The following SMCO1 variants were observed in gnomAD, a reference collection of about 807,000 sequenced individuals.
SMCO1 encodes single-pass membrane protein with coiled-coil domains 1.
A neutral mutation model predicts 7.5 loss-of-function variants in SMCO1; 9 were observed. The observed-to-expected ratio is 1.20, with a 90% CI of 0.72 to 2.09. The LOEUF (loss-of-function observed/expected upper bound fraction) is 2.09, where lower values mean the gene tolerates loss of function less well. SMCO1 is among the 30% of genes most tolerant of loss of function. SMCO1 has a pLI of 0.00. For synonymous variants in SMCO1, 90 were observed against 93.8 expected, an observed-to-expected ratio of 0.96 and a Z score of 0.23; for missense variants, 219 against 253.1, an observed-to-expected ratio of 0.87 and a Z score of 0.91.
rs745524127 is a variant in SMCO1, at chr3:196,509,574, G to T, written c.146C>A (p.Ala49Asp). 29 of 1,613,978 alleles carry T rather than the reference G, an allele frequency of 1.8e-5. No individual in the cohort carries two copies. In the South Asian group the frequency reaches 3.2e-4, roughly 18 times the overall value. ...ATCTTGGGCTGCTTGGCTTGCCAAA[G>T]CCTTACTATGATGTTCGAATTTCTG... is the stretch of plus-strand genomic sequence containing the variant. ...LMQKFEHHSK[A>D]LASQAAQDEM... Residue 49 changes from alanine (A) to aspartate (D), a missense_variant, in exon 2 of 3, where the codon GCT becomes GAT. Ala to Asp is a moderately radical substitution (Grantham distance 126). Coordinates refer to ENST00000397537, the MANE Select transcript of SMCO1 (RefSeq NM_001077657.3).
intron 1 of SMCO1, 111 bp from the exon 2 acceptor site, chr3:196,509,780 C>T (rs1733169743): frequency 9.7e-6 from 7 of 719,320 alleles, no homozygotes; most frequent in South Asian, 3.7e-5. Context: ...ATTTGGATAA[C>T]TTTTTTTTTT....
At chr3:196,517,190 C>G (rs1219334545), upstream of SMCO1, among the ~76,000 whole-genome samples, 1 of 150,024 alleles carries the variant, frequency 6.7e-6, no homozygotes, top group African/African-American at 2.4e-5. Context: ...TCTTCGTCCC[C>G]ATTTCAGCCA....
chr3:196,507,288 G>A lies in SMCO1; in HGVS notation c.*599C>T. Reference sequence around the variant, plus strand: ...CCTAGGAATTTACCTGCCTCCTATTGCTATCACTGTGTTGCCCAGGCTGGT... The same window carrying A: ...CCTAGGAATTTACCTGCCTCCTATTACTATCACTGTGTTGCCCAGGCTGGT... On this transcript the variant is annotated 3_prime_UTR_variant, in exon 3 of 3. Transcript: ENST00000397537. The A allele has an allele frequency of 6.6e-6, 1 of 152,356 alleles. No homozygotes were observed. The highest frequency in any genetic ancestry group is 1.5e-5 in the Non-Finnish European group (1 of 68,126). The allele number at this position is 152,356 out of a possible 1,614,324, so 9.4% of individuals were successfully genotyped here. A position where few individuals can be genotyped will look rare whatever the true frequency, so the allele number is the denominator to read the frequency against.
chr3:196,514,758 T>C (rs113485420), intron 1 of SMCO1, among the ~76,000 whole-genome samples: 11,322 of 152,268 alleles, frequency 0.074, 1,446 homozygotes, highest in African/African-American at 0.26. Flanking sequence ...GGAATTCTTT[T>C]TTTGGACGGA....
chr3:196,517,384 G>GC (rs908145849), upstream of SMCO1, among the ~76,000 whole-genome samples: 3 of 152,040 alleles, frequency 2.0e-5, no homozygotes. Flanking sequence ...GGAACTTTCA[G>GC]CCCCCACCCA....
chr3:196,512,766 C>G (rs1733283925), intron 1 of SMCO1, among the ~76,000 whole-genome samples: 1 of 152,014 alleles, frequency 6.6e-6, no homozygotes, highest in Non-Finnish European at 1.5e-5. Context: ...CCTCGGCCTC[C>G]CAAAGTTCTG....
upstream of SMCO1, among the ~76,000 whole-genome samples, chr3:196,516,632 G>A (rs868152148): frequency 2.6e-5 from 4 of 152,200 alleles, no homozygotes; most frequent in East Asian, 3.9e-4. Flanking sequence ...TAAAACCTAC[G>A]AATGGATGAG....
chr3:196,510,277 C>T (rs752133734), intron 1 of SMCO1, among the ~76,000 whole-genome samples: 5 of 152,074 alleles, frequency 3.3e-5, no homozygotes, highest in Non-Finnish European at 7.4e-5. Flanking sequence ...CTATACCTTA[C>T]GATTTAGAGA....
intron 1 of SMCO1, among the ~76,000 whole-genome samples, chr3:196,510,091 C>T (rs1560283344): frequency 6.6e-6 from 1 of 152,078 alleles, no homozygotes; most frequent in Non-Finnish European, 1.5e-5. Context: ...CTCAGCCTCC[C>T]GAGTAGCTAG....
In SMCO1 at chr3:196,511,136, T is replaced by A. The variant is rs192397085; in HGVS notation, c.51-1467A>T. Among the ~76,000 whole-genome samples, 594 of 139,266 alleles carry A rather than the reference T, an allele frequency of 4.3e-3. 3 individuals are homozygous for A. The highest frequency in any genetic ancestry group is 0.018 in the African/African-American group (530 of 30,272). The allele number at this position is 139,266 out of a possible 152,430, so 91.4% of individuals were successfully genotyped here. A position where few individuals can be genotyped will look rare whatever the true frequency, so the allele number is the denominator to read the frequency against. ...GCCTGGGCCACCTAGATTGTCTTTA[T>A]GAGGGAAACTTGCCTGAGCCACCTA... On this transcript the variant is annotated intron_variant, in intron 1 of 2. Transcript: ENST00000397537.
At chr3:196,519,940 G>C (rs1314431169), upstream of SMCO1, among the ~76,000 whole-genome samples, 1 of 152,124 alleles carries the variant, frequency 6.6e-6, no homozygotes, top group East Asian at 1.9e-4. Flanking sequence ...ACAGTCGGGG[G>C]GGACGCTCCC....
chr3:196,508,159 T>G lies in SMCO1; in HGVS notation c.373A>C (p.Ile125Leu), dbSNP rs903940214. 2.5e-6 allele frequency: 4 copies of G among 1,614,202 alleles called. No individual in the cohort carries two copies. Among genetic ancestry groups the G allele is most frequent in the Non-Finnish European group, 2.5e-6 (3 of 1,180,046 alleles). ...TCTTGCAGCCCACACTCCTCCAGTA[T>G]GGACTCCCATACAACTCTAACGCGC... ...NKRVRVVWES[I>L]LEECGLQEGD... Residue 125 changes from isoleucine to leucine, a missense_variant, in exon 3 of 3, where the codon ATA (isoleucine) becomes CTA (leucine). By Grantham distance (5) the Ile-to-Leu change is conservative. Coordinates refer to ENST00000397537, the MANE Select transcript of SMCO1 (RefSeq NM_001077657.3).
At chr3:196,511,866 A>C (rs1733244977) in intron 1 of SMCO1, among the ~76,000 whole-genome samples, 1 of 134,308 alleles carries the variant, frequency 7.4e-6, no homozygotes, top group Non-Finnish European at 1.5e-5. Flanking sequence ...GGCTGCCTAG[A>C]TTGTCTTTAT....
chr3:196,513,584 G>A (rs1311849533), intron 1 of SMCO1, among the ~76,000 whole-genome samples: 9 of 138,998 alleles, frequency 6.5e-5, no homozygotes, highest in African/African-American at 1.6e-4. Context: ...AGCTGAAATC[G>A]CGCCACTGCA....
Position 196,509,391 on chromosome 3 carries a change from T to C in SMCO1, c.200+129A>G, listed in dbSNP as rs886812490. Reference sequence around the variant, plus strand: ...ATTAATCTTTTTTTAAAAAAATAAATGAACCTAAGAAAATGTAATTGCTTT... The same window carrying C: ...ATTAATCTTTTTTTAAAAAAATAAACGAACCTAAGAAAATGTAATTGCTTT... On this transcript the variant is annotated intron_variant, in intron 2 of 2. Coordinates refer to ENST00000397537, the MANE Select transcript of SMCO1 (RefSeq NM_001077657.3). 4 of 848,806 alleles carry C rather than the reference T, an allele frequency of 4.7e-6. No individual in the cohort carries two copies. The East Asian group carries it at 1.1e-4, about 23-fold the overall frequency. The allele number at this position is 848,806 out of a possible 1,614,324, so 52.6% of individuals were successfully genotyped here. A position where few individuals can be genotyped will look rare whatever the true frequency, so the allele number is the denominator to read the frequency against.
At chr3:196,520,611 G>A in the SMCO1 span, among the ~76,000 whole-genome samples, 1 of 152,106 alleles carries the variant, frequency 6.6e-6, no homozygotes, top group Non-Finnish European at 1.5e-5. Flanking sequence ...GCAAATAAAG[G>A]GAGACAAGCC....
rs182371322 is a variant in SMCO1, at chr3:196,515,188, G to A, written c.22C>T (p.Leu8=). The A allele has an allele frequency of 8.6e-5, 138 of 1,613,846 alleles. 4 individuals are homozygous for A. In the Admixed American group the frequency reaches 2.2e-3, roughly 26 times the overall value. MNNETTT[L]ISLKEAMKRV... Reference sequence around the variant, plus strand: ...TTCATTGCCTCCTTCAAGGATATCAGGGTTGTGGTTTCATTGTTCATCTTC... The same window carrying A: ...TTCATTGCCTCCTTCAAGGATATCAAGGTTGTGGTTTCATTGTTCATCTTC... The change falls in exon 1 of 3, where the codon CTG becomes TTG. Residue 8 remains leucine (L), a synonymous_variant. Coordinates refer to ENST00000397537, the MANE Select transcript of SMCO1 (RefSeq NM_001077657.3).
chr3:196,509,824 G>A (rs1416847061), intron 1 of SMCO1, among the ~76,000 whole-genome samples, 155 bp from the exon 2 acceptor site: 1 of 151,834 alleles, frequency 6.6e-6, no homozygotes, highest in African/African-American at 2.4e-5. Context: ...GGGAAAATGG[G>A]TAGCTATTTG....
intron 1 of SMCO1, among the ~76,000 whole-genome samples, chr3:196,512,381 T>C (rs1360034044): frequency 6.6e-6 from 1 of 152,236 alleles, no homozygotes; most frequent in African/African-American, 2.4e-5. Flanking sequence ...TCCAGTGACC[T>C]GAATACCTTT....
Sources: allele counts gnomAD v4.1 joint callset (sites outside exome capture counted in the v4.1 genomes callset), GRCh38; gene constraint gnomAD v4.1.1; transcripts MANE v1.5; gene names NCBI Gene and HGNC (gene_info 2026-07-23, HGNC 2026-07-21).